Variants in FSTL4 observed in about 807,000 individuals in gnomAD.
FSTL4 encodes the protein follistatin like 4.
In FSTL4, 28 loss-of-function variants were observed where a neutral mutation model predicts 78.2. That is an observed-to-expected ratio of 0.36 (90% CI 0.27 to 0.49). The LOEUF (loss-of-function observed/expected upper bound fraction) is 0.49. FSTL4 is among the 20% of genes least tolerant of loss of function. FSTL4 has a pLI of 0.98. For synonymous variants in FSTL4, 422 were observed against 440.5 expected (o/e 0.96, Z 0.53); for missense variants, 922 against 1,084.9 (o/e 0.85, Z 2.11).
At chr5:133,240,634 T>G (rs944788283) in intron 7 of FSTL4, among the ~76,000 whole-genome samples, 2 of 152,224 alleles carry the variant, frequency 1.3e-5, no homozygotes, top group Non-Finnish European at 2.9e-5. Flanking sequence ...TTCTTCTGAC[T>G]GTGGATGCCA....
the FSTL4 span, among the ~76,000 whole-genome samples, chr5:133,686,474 TTGG>T: frequency 5.9e-5 from 9 of 152,346 alleles, no homozygotes; most frequent in African/African-American, 2.2e-4. Context: ...GGCCCATCCT[TTGG>T]ATAGTTCATT....
chr5:133,304,312 T>G (rs1369588086), intron 6 of FSTL4, among the ~76,000 whole-genome samples: 2 of 152,208 alleles, frequency 1.3e-5, no homozygotes, highest in Non-Finnish European at 2.9e-5. Flanking sequence ...GAGAGCTCTC[T>G]CCTGCATGCA....
chr5:133,799,262 G>A, the FSTL4 span, among the ~76,000 whole-genome samples: 1 of 137,548 alleles, frequency 7.3e-6, no homozygotes, highest in Non-Finnish European at 1.6e-5. Flanking sequence ...ACCTAGTGGG[G>A]GAGTCAACAC....
chr5:133,680,398 C>T, the FSTL4 span, among the ~76,000 whole-genome samples: 1 of 152,198 alleles, frequency 6.6e-6, no homozygotes, highest in Non-Finnish European at 1.5e-5. Flanking sequence ...ACACAGGATC[C>T]TTTCCAAGGT....
At chr5:133,732,161 G>A in the FSTL4 span, among the ~76,000 whole-genome samples, 1 of 152,192 alleles carries the variant, frequency 6.6e-6, no homozygotes, top group East Asian at 1.9e-4. Flanking sequence ...AGGCTCTGAG[G>A]AGCAGGAAAC....
the FSTL4 span, among the ~76,000 whole-genome samples, chr5:133,841,391 C>G: frequency 6.6e-6 from 1 of 152,246 alleles, no homozygotes; most frequent in African/African-American, 2.4e-5. Flanking sequence ...CCGCACCCAG[C>G]ACCAAACTCT....
chr5:133,577,582 A>G (rs1760311574), intron 2 of FSTL4, among the ~76,000 whole-genome samples: 1 of 152,228 alleles, frequency 6.6e-6, no homozygotes, highest in Non-Finnish European at 1.5e-5. Flanking sequence ...GGAGTTGCCC[A>G]ATCAGCAGAG....
chr5:133,648,702 A>G, the FSTL4 span, among the ~76,000 whole-genome samples: 1 of 152,218 alleles, frequency 6.6e-6, no homozygotes, highest in African/African-American at 2.4e-5. Context: ...TGACTTTTAA[A>G]AAATGGACGA....
At chr5:133,673,181 G>A in the FSTL4 span, among the ~76,000 whole-genome samples, 1 of 152,240 alleles carries the variant, frequency 6.6e-6, no homozygotes, top group Non-Finnish European at 1.5e-5. Context: ...AAGGAAGGCA[G>A]GTTTGCCCTG....
intron 11 of FSTL4, 190 bp from the exon 12 acceptor site, chr5:133,221,056 C>T: frequency 1.5e-6 from 1 of 681,984 alleles, no homozygotes; most frequent in Non-Finnish European, 2.7e-6. Flanking sequence ...AGAGGGCCCC[C>T]CAGGACTATG....
the FSTL4 span, among the ~76,000 whole-genome samples, chr5:133,746,797 C>T: frequency 6.6e-6 from 1 of 152,106 alleles, no homozygotes; most frequent in East Asian, 1.9e-4. Context: ...ATGTTTTTGC[C>T]TAAAACAGCA....
chr5:133,550,809 AGTAG>A (rs1371598561), intron 3 of FSTL4, among the ~76,000 whole-genome samples: 8 of 152,246 alleles, frequency 5.3e-5, no homozygotes, highest in Non-Finnish European at 8.8e-5. Flanking sequence ...GAGTAATAAG[AGTAG>A]GATAAAGTCC....
the FSTL4 span, among the ~76,000 whole-genome samples, chr5:133,719,787 A>G: frequency 2.0e-5 from 3 of 152,048 alleles, no homozygotes; most frequent in South Asian, 6.2e-4. Flanking sequence ...GAAAAGTAGT[A>G]TGCCAATTTT....
intron 6 of FSTL4, among the ~76,000 whole-genome samples, chr5:133,295,145 A>C: frequency 6.6e-6 from 1 of 151,836 alleles, no homozygotes. Flanking sequence ...TCAGACTTCC[A>C]CATCTCTTCC....
intron 4 of FSTL4, chr5:133,388,003 C>A (rs1274843786): frequency 6.6e-6 from 1 of 152,216 alleles, no homozygotes; most frequent in Non-Finnish European, 1.5e-5. Flanking sequence ...ATATTGCCCT[C>A]ATGTATGCTT....
At chr5:133,625,771 CATATATATATATTCCATAT>C in the FSTL4 span, among the ~76,000 whole-genome samples, 295 of 9,664 alleles carry the variant, frequency 0.031, 23 homozygotes, top group Middle Eastern at 0.062. Flanking sequence ...ATATATATTC[CATATATATATATTCCATAT>C]ATATATATAT....
chr5:133,593,308 T>C (rs77581587), intron 2 of FSTL4, among the ~76,000 whole-genome samples: 135 of 152,054 alleles, frequency 8.9e-4, no homozygotes, highest in African/African-American at 3.2e-3. Flanking sequence ...AGCTTAGGTG[T>C]CACTGAGCCA....
chr5:133,731,083 A>G, the FSTL4 span, among the ~76,000 whole-genome samples: 2 of 152,090 alleles, frequency 1.3e-5, no homozygotes, highest in Non-Finnish European at 2.9e-5. Context: ...TTCCCTTTAT[A>G]GAATCAGCAG....
At chr5:133,420,004 C>T (rs1756660339) in intron 3 of FSTL4, among the ~76,000 whole-genome samples, 1 of 152,126 alleles carries the variant, frequency 6.6e-6, no homozygotes, top group African/African-American at 2.4e-5. Context: ...GGAAACGAAC[C>T]TAATGTACAT....
Sources: allele counts gnomAD v4.1 joint callset (sites outside exome capture counted in the v4.1 genomes callset), GRCh38; gene constraint gnomAD v4.1.1; transcripts MANE v1.5; gene names NCBI Gene and HGNC (gene_info 2026-07-23, HGNC 2026-07-21).